The following NRXN3 variants were observed in gnomAD, a reference collection of about 807,000 sequenced individuals.
NRXN3 encodes neurexin III.
A neutral mutation model predicts 137.6 loss-of-function variants in NRXN3; 32 were observed. The ratio of observed to expected loss-of-function variants is 0.23; its 90% CI spans 0.18 to 0.31. The LOEUF (loss-of-function observed/expected upper bound fraction) is 0.31. Ranked by LOEUF, NRXN3 falls within the 10% of genes least tolerant of loss-of-function variation. The pLI is 1.00. For missense variants in NRXN3, 1,574 were observed against 2,062.5 expected (o/e 0.76, Z 4.59); for synonymous variants, 798 against 784.5 (o/e 1.02, Z -0.29).
intron 15 of NRXN3, among the ~76,000 whole-genome samples, chr14:79,126,338 C>T (rs113491809): frequency 3.5e-5 from 5 of 143,210 alleles, no homozygotes; most frequent in Admixed American, 7.2e-5. Context: ...CCCCACCCCA[C>T]GACCGTCCCC....
intron 16 of NRXN3, among the ~76,000 whole-genome samples, chr14:79,553,769 A>G (rs1276330840): frequency 6.6e-6 from 1 of 152,170 alleles, no homozygotes; most frequent in Non-Finnish European, 1.5e-5. Flanking sequence ...GTATCCCCTC[A>G]CTGAGTCCCC....
intron 17 of NRXN3, among the ~76,000 whole-genome samples, 172 bp from the exon 18 acceptor site, chr14:79,692,001 G>T (rs2098718599): frequency 6.6e-6 from 1 of 151,890 alleles, no homozygotes; most frequent in Admixed American, 6.6e-5. Context: ...AGACTAACCT[G>T]ACCTTTAAAC....
chr14:78,666,807 G>T (rs1430397434), intron 6 of NRXN3, among the ~76,000 whole-genome samples: 2 of 151,884 alleles, frequency 1.3e-5, no homozygotes, highest in Non-Finnish European at 2.9e-5. Flanking sequence ...GCCCCGTTTT[G>T]CTCTTTGTGC....
intron 6 of NRXN3, among the ~76,000 whole-genome samples, chr14:78,690,483 C>A (rs749875897): frequency 2.0e-5 from 3 of 152,156 alleles, no homozygotes; most frequent in Non-Finnish European, 4.4e-5. Context: ...CATATGTTTA[C>A]ATGTGTAACA....
intron 4 of NRXN3, among the ~76,000 whole-genome samples, chr14:78,554,889 C>A (rs1016982236): frequency 6.6e-6 from 1 of 152,232 alleles, no homozygotes; most frequent in African/African-American, 2.4e-5. Context: ...TATCTAAATC[C>A]TCTGTCCTAG....
chr14:79,348,959 T>G (rs2153383990), intron 15 of NRXN3, among the ~76,000 whole-genome samples: 1 of 152,340 alleles, frequency 6.6e-6, no homozygotes, highest in South Asian at 2.1e-4. Context: ...TAATGCTGCC[T>G]TTAATTTAAT....
intron 16 of NRXN3, among the ~76,000 whole-genome samples, chr14:79,512,682 T>G (rs149154085): frequency 0.011 from 1,714 of 152,302 alleles, 27 homozygotes; most frequent in Admixed American, 0.016. Flanking sequence ...GGGATTGCAG[T>G]AGACCCTAGA....
chr14:79,155,585 ATTAC>A (rs2060190485), intron 15 of NRXN3, among the ~76,000 whole-genome samples: 1 of 151,840 alleles, frequency 6.6e-6, no homozygotes. Context: ...AAAAGTCGGT[ATTAC>A]TTCTCATAAA....
Position 78,633,210 on chromosome 14 carries a change from G to A in NRXN3, c.758-11910G>A, listed in dbSNP as rs546594940. ...GCAGAGCTTGCAGTGAGCCAAGATCGCGCCACTGCACTCAGCCTGGGCTAC... is the reference window on the plus strand; with the variant it reads ...GCAGAGCTTGCAGTGAGCCAAGATCACGCCACTGCACTCAGCCTGGGCTAC... On this transcript the variant is annotated intron_variant, in intron 4 of 20. Transcript: ENST00000335750. Among the ~76,000 whole-genome samples, 15 of 135,100 alleles carry A rather than the reference G, an allele frequency of 1.1e-4. No homozygotes were observed. In the East Asian group the frequency reaches 2.3e-3, roughly 21 times the overall value. The allele number at this position is 135,100 out of a possible 152,430, so 88.6% of individuals were successfully genotyped here.
chr14:78,334,122 A>G (rs978093862), intron 4 of NRXN3, among the ~76,000 whole-genome samples: 2 of 152,176 alleles, frequency 1.3e-5, no homozygotes, highest in Admixed American at 1.3e-4. Context: ...AGGAGGAGAC[A>G]ATTTACAGGG....
At chr14:78,922,415 G>A (rs1294999091) in intron 10 of NRXN3, among the ~76,000 whole-genome samples, 1 of 152,106 alleles carries the variant, frequency 6.6e-6, no homozygotes, top group Non-Finnish European at 1.5e-5. Flanking sequence ...TCTATTTTGA[G>A]GGTAAGGTCA....
chr14:79,349,813 C>A (rs1329477462), intron 15 of NRXN3, among the ~76,000 whole-genome samples: 3 of 152,058 alleles, frequency 2.0e-5, no homozygotes, highest in African/African-American at 7.2e-5. Flanking sequence ...TACAGACATA[C>A]ATAGAAAGAA....
At chr14:78,524,708 A>G (rs1813907751) in intron 4 of NRXN3, among the ~76,000 whole-genome samples, 1 of 152,208 alleles carries the variant, frequency 6.6e-6, no homozygotes, top group African/African-American at 2.4e-5. Flanking sequence ...ATATTCAAAG[A>G]GGTTTAGAAA....
At chr14:78,725,971 C>T (rs1193046169) in intron 8 of NRXN3, among the ~76,000 whole-genome samples, 2 of 152,138 alleles carry the variant, frequency 1.3e-5, no homozygotes, top group African/African-American at 2.4e-5. Context: ...GGTTAAGTAA[C>T]TTGCTCAAGG....
chr14:79,843,523 T>C (rs1465400871), intron 20 of NRXN3, among the ~76,000 whole-genome samples: 1 of 152,156 alleles, frequency 6.6e-6, no homozygotes, highest in Admixed American at 6.5e-5. Context: ...TCACAAAAGA[T>C]TTCTCTGTAG....
At chr14:78,623,274 C>A (rs1260831482) in intron 4 of NRXN3, among the ~76,000 whole-genome samples, 2 of 152,180 alleles carry the variant, frequency 1.3e-5, no homozygotes, top group Non-Finnish European at 2.9e-5. Context: ...TTTTCAGTAA[C>A]CCTTCTCTCT....
intron 16 of NRXN3, among the ~76,000 whole-genome samples, chr14:79,549,853 C>G (rs1384373647): frequency 6.6e-6 from 1 of 152,128 alleles, no homozygotes; most frequent in East Asian, 1.9e-4. Flanking sequence ...GGTTGATTGT[C>G]TGAGACGGAT....
chr14:78,876,974 A>G (rs1033597368), intron 10 of NRXN3, among the ~76,000 whole-genome samples: 1 of 152,172 alleles, frequency 6.6e-6, no homozygotes, highest in African/African-American at 2.4e-5. Context: ...CTGGTCTACT[A>G]TTTGTGGATA....
chr14:79,820,041 CTG>C (rs10608663), intron 20 of NRXN3, among the ~76,000 whole-genome samples: 49,620 of 151,822 alleles, frequency 0.33, 8,569 homozygotes, highest in African/African-American at 0.39. Context: ...CGCCCACATA[CTG>C]TGTCATATCC....
Sources: allele counts gnomAD v4.1 joint callset (sites outside exome capture counted in the v4.1 genomes callset), GRCh38; gene constraint gnomAD v4.1.1; transcripts MANE v1.5; gene names NCBI Gene and HGNC (gene_info 2026-07-23, HGNC 2026-07-21).